Variants in RNF180 observed in about 807,000 individuals in gnomAD.
RNF180 encodes the protein E3 ubiquitin-protein ligase RNF180.
RNF180 carries 38 observed loss-of-function variants against 59.2 expected under a neutral mutation model. The ratio of observed to expected loss-of-function variants is 0.64; its 90% CI spans 0.50 to 0.84. The LOEUF (loss-of-function observed/expected upper bound fraction) is 0.84. Among genes scored for constraint, RNF180 ranks in the 40% least tolerant of loss-of-function variants. The probability of loss-of-function intolerance (pLI) is 0.00; values close to 1 mark genes in which losing one functional copy is unlikely to be tolerated. For synonymous variants in RNF180, 262 were observed against 240.3 expected (o/e 1.09, Z -0.84); for missense variants, 705 against 700.9 (o/e 1.01, Z -0.07).
At chr5:64,284,487 G>A (rs574564276) in intron 5 of RNF180, among the ~76,000 whole-genome samples, 5 of 152,172 alleles carry the variant, frequency 3.3e-5, no homozygotes, top group Non-Finnish European at 7.4e-5. Context: ...CAATGCCAAC[G>A]AGTTGTAGAT....
At position 64,370,574 on chromosome 5, in the gene RNF180, TAGG is replaced by T. The variant is rs1464367478; in HGVS notation, c.*763_*765del. 6.6e-6 allele frequency: 1 copy of T among 151,616 alleles called. No individual in the cohort carries two copies. The highest frequency in any genetic ancestry group is 6.6e-5 in the Admixed American group (1 of 15,158). The allele number at this position is 151,616 out of a possible 1,614,324, so 9.4% of individuals were successfully genotyped here. On this transcript the variant is annotated 3_prime_UTR_variant, in exon 8 of 8. Transcript: ENST00000389100. ...AATGTAATTTAGTGATTCATTTAAG[TAGG>T]AGATGGTCAAATATATTGTAAATGT... is the stretch of plus-strand genomic sequence containing the variant.
At position 64,283,002 on chromosome 5, in the gene RNF180, A is replaced by C. The variant is rs148068188; in HGVS notation, c.1228-42184A>C. ...TGTTTTGGGGTGGAGAGTTCTGTAG[A>C]TGCCTGTTAGGTTCATTTGGTCATA... On this transcript the variant is annotated intron_variant, in intron 5 of 7. Transcript: ENST00000389100. Among the ~76,000 whole-genome samples the C allele has an allele frequency of 2.0e-3, 309 of 152,290 alleles. 4 individuals carry two copies. Among genetic ancestry groups the C allele is most frequent in the Non-Finnish European group, 3.4e-3 (231 of 68,024 alleles).
chr5:64,365,131 T>C (rs1159203028), intron 7 of RNF180, among the ~76,000 whole-genome samples: 2 of 151,728 alleles, frequency 1.3e-5, no homozygotes, highest in South Asian at 2.1e-4. Context: ...GCTTCTCTAG[T>C]TGTAATGTTA....
intron 7 of RNF180, among the ~76,000 whole-genome samples, chr5:64,351,074 T>C (rs537279553): frequency 1.3e-5 from 2 of 152,096 alleles, no homozygotes; most frequent in South Asian, 4.2e-4. Flanking sequence ...TTGTGTCCTC[T>C]TTTATTTCAT....
At chr5:64,210,468 GA>G (rs1752255410) in intron 2 of RNF180, among the ~76,000 whole-genome samples, 1 of 152,122 alleles carries the variant, frequency 6.6e-6, no homozygotes, top group Non-Finnish European at 1.5e-5. Flanking sequence ...TTTCTCTTTT[GA>G]GGGGGAAAAT....
chr5:64,313,508 A>G (rs1743884341), intron 5 of RNF180, among the ~76,000 whole-genome samples: 1 of 152,176 alleles, frequency 6.6e-6, no homozygotes, highest in Non-Finnish European at 1.5e-5. Context: ...ATAGCTGCAT[A>G]GTATTCCATG....
At chr5:64,168,136 A>C (rs868776608) in intron 1 of RNF180, among the ~76,000 whole-genome samples, 3 of 152,228 alleles carry the variant, frequency 2.0e-5, no homozygotes, top group Admixed American at 2.0e-4. Context: ...TTTACAAGCA[A>C]AATAAAAACA....
At chr5:64,167,870 C>T (rs548504605) in intron 1 of RNF180, among the ~76,000 whole-genome samples, 1 of 152,160 alleles carries the variant, frequency 6.6e-6, no homozygotes, top group Non-Finnish European at 1.5e-5. Flanking sequence ...GTGATGTGTC[C>T]TTTCCTTCAT....
chr5:64,335,390 C>A (rs2112549765), intron 7 of RNF180, among the ~76,000 whole-genome samples: 1 of 151,986 alleles, frequency 6.6e-6, no homozygotes, highest in African/African-American at 2.4e-5. Flanking sequence ...TCCCCAAGGT[C>A]ATAAAGATAT....
intron 1 of RNF180, among the ~76,000 whole-genome samples, chr5:64,183,592 C>T (rs933653552): frequency 2.6e-5 from 4 of 151,826 alleles, no homozygotes; most frequent in South Asian, 2.1e-4. Context: ...GGATTACAGG[C>T]GTGTGCCACC....
chr5:64,188,976 A>G (rs1751003781), intron 1 of RNF180, among the ~76,000 whole-genome samples: 1 of 152,028 alleles, frequency 6.6e-6, no homozygotes, highest in Non-Finnish European at 1.5e-5. Flanking sequence ...ACCCCAATCT[A>G]ATAGGACTAG....
chr5:64,315,341 A>C (rs1383168380), intron 5 of RNF180, among the ~76,000 whole-genome samples: 1 of 152,196 alleles, frequency 6.6e-6, no homozygotes, highest in Non-Finnish European at 1.5e-5. Flanking sequence ...TTTTGTGAAA[A>C]TGTCTACCAA....
At chr5:64,338,228 A>G (rs1424008058) in intron 7 of RNF180, among the ~76,000 whole-genome samples, 1 of 152,226 alleles carries the variant, frequency 6.6e-6, no homozygotes, top group Admixed American at 6.5e-5. Flanking sequence ...ACAATTTTAT[A>G]TCTTTCAATT....
intron 5 of RNF180, among the ~76,000 whole-genome samples, chr5:64,301,249 A>G (rs1015165466): frequency 2.0e-5 from 3 of 151,770 alleles, no homozygotes; most frequent in African/African-American, 7.2e-5. Context: ...TTTATTCAAT[A>G]TGTTGTATTT....
chr5:64,326,974 A>G (rs1047590390), intron 6 of RNF180, among the ~76,000 whole-genome samples: 18 of 152,138 alleles, frequency 1.2e-4, no homozygotes, highest in African/African-American at 3.6e-4. Context: ...TACTAATTCA[A>G]TCTCATTACC....
chr5:64,240,276 A>G (rs181615572), intron 5 of RNF180, among the ~76,000 whole-genome samples: 5 of 152,362 alleles, frequency 3.3e-5, no homozygotes, highest in Admixed American at 3.3e-4. Flanking sequence ...CAAAATGCAG[A>G]TCAGTATAAT....
intron 7 of RNF180, among the ~76,000 whole-genome samples, chr5:64,358,266 T>C (rs1561279510): frequency 6.6e-6 from 1 of 151,812 alleles, no homozygotes. Flanking sequence ...CAACTTAAAC[T>C]GATAAATGCC....
chr5:64,310,575 A>T (rs1431091482), intron 5 of RNF180, among the ~76,000 whole-genome samples: 1 of 151,774 alleles, frequency 6.6e-6, no homozygotes, highest in Non-Finnish European at 1.5e-5. Context: ...ACTTGATAAC[A>T]TTAGCTGCTA....
chr5:64,236,350 T>C (rs536945710), intron 5 of RNF180, among the ~76,000 whole-genome samples: 7 of 152,304 alleles, frequency 4.6e-5, no homozygotes, highest in African/African-American at 1.4e-4. Flanking sequence ...AGATGATTTA[T>C]GGTACCTGGC....
Sources: allele counts gnomAD v4.1 joint callset (sites outside exome capture counted in the v4.1 genomes callset), GRCh38; gene constraint gnomAD v4.1.1; transcripts MANE v1.5; gene names NCBI Gene and HGNC (gene_info 2026-07-23, HGNC 2026-07-21).